The following KNL1 variants were observed in gnomAD, a reference collection of about 807,000 sequenced individuals.
KNL1 encodes the protein outer kinetochore KNL1 complex subunit KNL1.
In KNL1, 66 loss-of-function variants were observed where a neutral mutation model predicts 201.3. The ratio of observed to expected loss-of-function variants is 0.33; its 90% CI spans 0.27 to 0.40. KNL1 has a LOEUF of 0.40. Among genes scored for constraint, KNL1 ranks in the 10% least tolerant of loss-of-function variants. KNL1 has a pLI of 1.00. For synonymous variants in KNL1, 895 were observed against 899.2 expected (o/e 1.00, Z 0.08); for missense variants, 2,815 against 2,690.5 (o/e 1.05, Z -1.02).
At chr15:40,650,686 G>C (rs1307490986) in intron 19 of KNL1, 103 bp downstream of exon 19, 1 of 1,037,646 alleles carries the variant, frequency 9.6e-7, no homozygotes, top group Non-Finnish European at 1.3e-6. Context: ...CATGAGTCTT[G>C]ATTGAGGCTG....
intron 20 of KNL1, 41 bp from the exon 21 acceptor site, chr15:40,651,964 T>A: frequency 6.8e-7 from 1 of 1,464,794 alleles, no homozygotes; most frequent in Non-Finnish European, 9.5e-7. Context: ...TTATGTTAAT[T>A]TTAAAAACGC....
chr15:40,642,081 GAA>G (rs1382959378), intron 14 of KNL1, among the ~76,000 whole-genome samples: 4 of 152,156 alleles, frequency 2.6e-5, no homozygotes, highest in Non-Finnish European at 4.4e-5. Flanking sequence ...AGAAGGAAAA[GAA>G]TATTAAAAAT....
intron 6 of KNL1, among the ~76,000 whole-genome samples, chr15:40,611,221 A>G (rs1177029580): frequency 1.3e-5 from 2 of 150,570 alleles, no homozygotes; most frequent in East Asian, 3.9e-4. Flanking sequence ...CAATTCTCCT[A>G]CCTCAGCCTC....
intron 25 of KNL1, among the ~76,000 whole-genome samples, chr15:40,661,642 G>A (rs1893911930): frequency 6.6e-6 from 1 of 152,206 alleles, no homozygotes; most frequent in Non-Finnish European, 1.5e-5. Context: ...ATTTCAAACT[G>A]GATATCTGGT....
chr15:40,605,238 C>G, intron 3 of KNL1, 89 bp downstream of exon 3: 2 of 723,290 alleles, frequency 2.8e-6, no homozygotes, highest in Non-Finnish European at 5.0e-6. Context: ...GCTTCACCAT[C>G]CTACCCTTAC....
At position 40,614,642 on chromosome 15, in the gene KNL1, T is replaced by C. The variant is rs575768468; in HGVS notation, c.285-699T>C. Among the ~76,000 whole-genome samples, 4 of 152,330 alleles carry C rather than the reference T, an allele frequency of 2.6e-5. No homozygotes were observed. The East Asian group carries it at 7.7e-4, about 29-fold the overall frequency. On this transcript the variant is annotated intron_variant, in intron 7 of 25. Transcript: ENST00000399668. Reference sequence around the variant, plus strand: ...TGTCCAAGTGCATGTTTAGCTTTTATTTTTTTAAACAAGACAAAAATGGGA... The same window carrying C: ...TGTCCAAGTGCATGTTTAGCTTTTACTTTTTTAAACAAGACAAAAATGGGA...
rs774125318 is a variant in KNL1, at chr15:40,622,821, G to A, written c.2557G>A (p.Val853Ile). 1.1e-5 allele frequency: 18 copies of A among 1,613,608 alleles called. No homozygotes were observed. In the South Asian group the frequency reaches 1.8e-4, roughly 16 times the overall value. ...TGTCAAAATTTGGGGAAGGAAAAGT[G>A]TTGGTGGACCAAAAATTGATAAGAC... ...QNVKIWGRKS[V>I]GGPKIDKTIV... The change falls in exon 10 of 26, where the codon GTT becomes ATT. Residue 853 changes from valine to isoleucine, a missense_variant. Transcript: ENST00000399668.
At chr15:40,611,030 G>C (rs1892140078) in intron 6 of KNL1, among the ~76,000 whole-genome samples, 1 of 152,110 alleles carries the variant, frequency 6.6e-6, no homozygotes, top group Non-Finnish European at 1.5e-5. Flanking sequence ...TTACAGGCGT[G>C]AGCCACCACG....
At chr15:40,626,271 G>C (rs890040100) in intron 10 of KNL1, among the ~76,000 whole-genome samples, 1 of 151,716 alleles carries the variant, frequency 6.6e-6, no homozygotes, top group East Asian at 1.9e-4. Flanking sequence ...TCCTGCCTCA[G>C]CCTTCCGAGT....
rs139797342 is a variant in KNL1 at position 40,654,479 on chromosome 15, A to G, written c.6416-430A>G. Among the ~76,000 whole-genome samples, 30 of 152,130 alleles carry G rather than the reference A, an allele frequency of 2.0e-4. 1 individual carries two copies. In the East Asian group the frequency reaches 5.6e-3, roughly 28 times the overall value. Reference sequence around the variant, plus strand: ...AGATACAGAGAATAATGATTCAAGGATAACCCTTCAACTTCCTGTGGAAAA... The same window carrying G: ...AGATACAGAGAATAATGATTCAAGGGTAACCCTTCAACTTCCTGTGGAAAA... On this transcript the variant is annotated intron_variant, in intron 21 of 25. Coordinates refer to ENST00000399668, the MANE Select transcript of KNL1 (RefSeq NM_144508.5).
rs768802815 is a variant in KNL1 at position 40,640,931 on chromosome 15, C to T, written c.5702C>T (p.Pro1901Leu). 3.2e-5 allele frequency: 52 copies of T among 1,611,710 alleles called. No homozygotes were observed. The highest frequency in any genetic ancestry group is 4.4e-5 in the Non-Finnish European group (52 of 1,178,618). The change falls in exon 14 of 26, where the codon CCT (proline) becomes CTT (leucine). Residue 1901 changes from proline to leucine, a missense_variant. This residue lies in a region of KNL1 where 2,464 missense variants were observed against 2,291.7 expected (regional missense o/e 1.08). Transcript: ENST00000399668. Reference sequence around the variant, plus strand: ...TTCCAGTTTACTGTAAACACACCACCTACTCCAGAAGACCTGATGTTAAGT... The same window carrying T: ...TTCCAGTTTACTGTAAACACACCACTTACTCCAGAAGACCTGATGTTAAGT... Reference protein sequence around the residue: ...LPGNFTVNTPPTPEDLMLSQY... With the variant: ...LPGNFTVNTPLTPEDLMLSQY...
chr15:40,637,949 A>T (rs1484488119), intron 13 of KNL1, among the ~76,000 whole-genome samples: 1 of 152,000 alleles, frequency 6.6e-6, no homozygotes, highest in African/African-American at 2.4e-5. Flanking sequence ...AAGCCAAGGC[A>T]GGCAGATTGC....
At chr15:40,601,822 C>T (rs1466053549) in intron 1 of KNL1, among the ~76,000 whole-genome samples, 1 of 118,946 alleles carries the variant, frequency 8.4e-6, no homozygotes, top group Non-Finnish European at 1.8e-5. Context: ...AGCCAGACTC[C>T]GTCTCAAAAA....
At chr15:40,658,888 C>T (rs1415303772) in intron 24 of KNL1, among the ~76,000 whole-genome samples, 1 of 150,134 alleles carries the variant, frequency 6.7e-6, no homozygotes, top group South Asian at 2.1e-4. Flanking sequence ...CGAGATTACT[C>T]CACTGCACTC....
intron 13 of KNL1, among the ~76,000 whole-genome samples, chr15:40,633,366 A>G (rs1368364328): frequency 6.6e-6 from 1 of 151,724 alleles, no homozygotes; most frequent in Non-Finnish European, 1.5e-5. Context: ...TTGCCTAGTG[A>G]CATTGTAATG....
intron 22 of KNL1, among the ~76,000 whole-genome samples, chr15:40,656,040 A>G (rs1893721105): frequency 6.6e-6 from 1 of 152,196 alleles, no homozygotes; most frequent in Non-Finnish European, 1.5e-5. Flanking sequence ...TTAAATTAAC[A>G]CTATGAAGTC....
intron 4 of KNL1, 60 bp from the exon 5 acceptor site, chr15:40,608,787 C>A: frequency 8.6e-7 from 1 of 1,160,940 alleles, no homozygotes; most frequent in South Asian, 1.3e-5. Flanking sequence ...CTATAGTACT[C>A]TGGAGATGTA....
rs537986923 is a variant in KNL1 at position 40,620,987 on chromosome 15, A to G, written c.723A>G (p.Ile241Met). ...PDVPDKENFE[I>M]PIYSKEPNSA... ...TGCCTGATAAAGAAAATTTTGAGAT[A>G]CCTATTTATTCCAAGGAACCGAACA... Residue 241 changes from isoleucine (I) to methionine (M), a missense_variant, in exon 10 of 26, where the codon ATA becomes ATG. This residue lies in a region of KNL1 where 2,464 missense variants were observed against 2,291.7 expected (regional missense o/e 1.08). Transcript: ENST00000399668. The G allele has an allele frequency of 6.2e-7, 1 of 1,604,332 alleles. No homozygotes were observed. Among genetic ancestry groups the G allele is most frequent in the Non-Finnish European group, 8.5e-7 (1 of 1,177,248 alleles).
At chr15:40,661,820 A>G (rs1265278787) in intron 25 of KNL1, among the ~76,000 whole-genome samples, 1 of 152,136 alleles carries the variant, frequency 6.6e-6, no homozygotes, top group African/African-American at 2.4e-5. Context: ...AGGTGGGTGG[A>G]TCACAAGGCC....
Sources: allele counts gnomAD v4.1 joint callset (sites outside exome capture counted in the v4.1 genomes callset), GRCh38; gene constraint gnomAD v4.1.1; regional missense constraint gnomAD v4.1.1; transcripts MANE v1.5; gene names NCBI Gene and HGNC (gene_info 2026-07-23, HGNC 2026-07-21).